The following ENOX1 variants were observed in gnomAD, a reference collection of about 807,000 sequenced individuals.
ENOX1 encodes ecto-NOX disulfide-thiol exchanger 1, also known as candidate growth-related and time keeping constitutive hydroquinone (NADH) oxidase.
A neutral mutation model predicts 82.5 loss-of-function variants in ENOX1; 42 were observed. The observed-to-expected ratio is 0.51, with a 90% CI of 0.40 to 0.66. The LOEUF (loss-of-function observed/expected upper bound fraction) is 0.66. Ranked by LOEUF, ENOX1 falls within the 30% of genes least tolerant of loss-of-function variation. ENOX1 has a pLI of 0.00. For synonymous variants in ENOX1, 271 were observed against 282.2 expected (o/e 0.96, Z 0.40); for missense variants, 608 against 811.6 (o/e 0.75, Z 3.05).
chr13:43,542,831 G>A (rs1443140012), intron 2 of ENOX1, among the ~76,000 whole-genome samples: 1 of 152,186 alleles, frequency 6.6e-6, no homozygotes, highest in Non-Finnish European at 1.5e-5. Context: ...TCCAGAGGCT[G>A]GGAAGTCCAA....
At chr13:43,229,540 ATTAGAT>A (rs1364235302) in intron 15 of ENOX1, among the ~76,000 whole-genome samples, 1 of 152,126 alleles carries the variant, frequency 6.6e-6, no homozygotes, top group African/African-American at 2.4e-5. Context: ...AAGAGTTTGG[ATTAGAT>A]TTAAATTCTA....
intron 2 of ENOX1, among the ~76,000 whole-genome samples, chr13:43,531,454 G>T (rs1215620029): frequency 6.7e-6 from 1 of 150,360 alleles, no homozygotes; most frequent in Non-Finnish European, 1.5e-5. Context: ...GGAGAAATAG[G>T]AACACTTTTA....
At chr13:43,558,660 G>A (rs1265255533) in intron 2 of ENOX1, among the ~76,000 whole-genome samples, 2 of 152,140 alleles carry the variant, frequency 1.3e-5, no homozygotes, top group African/African-American at 2.4e-5. Context: ...CAGACTGGAC[G>A]ATTCATTTGT....
At chr13:43,397,774 C>CT (rs1246010938) in intron 5 of ENOX1, among the ~76,000 whole-genome samples, 1 of 152,144 alleles carries the variant, frequency 6.6e-6, no homozygotes, top group Non-Finnish European at 1.5e-5. Context: ...CCCAAAACAT[C>CT]TTTTTCAAGA....
chr13:43,378,930 C>A (rs1208866083), intron 5 of ENOX1, among the ~76,000 whole-genome samples: 1 of 151,964 alleles, frequency 6.6e-6, no homozygotes, highest in Non-Finnish European at 1.5e-5. Flanking sequence ...GATGGGGGCA[C>A]AATATAATCA....
intron 2 of ENOX1, among the ~76,000 whole-genome samples, chr13:43,616,082 TTA>T (rs199606548): frequency 3.4e-5 from 1 of 29,784 alleles, no homozygotes; most frequent in African/African-American, 9.0e-5. Flanking sequence ...AAGTTTGACA[TTA>T]TATATATATA....
At chr13:43,405,699 TA>T (rs1167172996) in intron 5 of ENOX1, among the ~76,000 whole-genome samples, 2 of 152,236 alleles carry the variant, frequency 1.3e-5, no homozygotes, top group East Asian at 3.9e-4. Context: ...CCCTTCAGGT[TA>T]CTCCATCTGT....
At chr13:43,659,221 G>A (rs1006244247) in intron 2 of ENOX1, among the ~76,000 whole-genome samples, 4 of 152,012 alleles carry the variant, frequency 2.6e-5, no homozygotes, top group Non-Finnish European at 5.9e-5. Context: ...GGGCACTGTG[G>A]CTCACACCTA....
chr13:43,553,831 T>G (rs977437579), intron 2 of ENOX1, among the ~76,000 whole-genome samples: 38 of 152,348 alleles, frequency 2.5e-4, no homozygotes, highest in African/African-American at 9.1e-4. Flanking sequence ...TACTGCAGCC[T>G]CTGCCTCCCA....
intron 2 of ENOX1, among the ~76,000 whole-genome samples, chr13:43,656,124 G>A (rs1185399966): frequency 1.3e-5 from 2 of 152,132 alleles, no homozygotes; most frequent in Non-Finnish European, 2.9e-5. Context: ...TTATGCATGT[G>A]TATCAGAATA....
At chr13:43,331,535 C>G (rs1205699284) in intron 9 of ENOX1, among the ~76,000 whole-genome samples, 1 of 152,174 alleles carries the variant, frequency 6.6e-6, no homozygotes, top group Non-Finnish European at 1.5e-5. Context: ...CCCAAATCCT[C>G]TATGAATAGC....
intron 3 of ENOX1, among the ~76,000 whole-genome samples, chr13:43,415,239 T>TTG (rs1184330580): frequency 7.0e-6 from 1 of 143,182 alleles, no homozygotes; most frequent in Non-Finnish European, 1.5e-5. Flanking sequence ...AATGTTTTTT[T>TTG]TTTTTTTTTT....
Position 43,508,025 on chromosome 13 carries a change from A to C in ENOX1, c.-218-23873T>G, listed in dbSNP as rs1253994243. 2.6e-5 allele frequency among the ~76,000 whole-genome samples: 4 copies of C among 152,180 alleles called. No homozygotes were observed. The East Asian group carries it at 7.7e-4, about 29-fold the overall frequency. ...ATATCAACCTTAATAATTTAAAATT[A>C]AAAGCACATATGAGAGAAACTGGAA... On this transcript the variant is annotated intron_variant, in intron 2 of 16. Transcript: ENST00000690772.
intron 2 of ENOX1, among the ~76,000 whole-genome samples, chr13:43,497,235 C>A (rs1399664634): frequency 2.6e-5 from 4 of 151,928 alleles, no homozygotes; most frequent in Non-Finnish European, 4.4e-5. Flanking sequence ...TTTTATTATT[C>A]TTTTCCAATC....
chr13:43,339,986 T>C (rs905474403), intron 9 of ENOX1, among the ~76,000 whole-genome samples: 1 of 152,228 alleles, frequency 6.6e-6, no homozygotes, highest in Non-Finnish European at 1.5e-5. Context: ...CCCAAAGTCC[T>C]GACATCAAAC....
chr13:43,645,810 C>A (rs2083872354), intron 2 of ENOX1, among the ~76,000 whole-genome samples: 1 of 152,148 alleles, frequency 6.6e-6, no homozygotes, highest in South Asian at 2.1e-4. Context: ...CTTTTATGGT[C>A]ATTATTTTAG....
At chr13:43,740,454 TCACA>T (rs1421322298) in intron 1 of ENOX1, among the ~76,000 whole-genome samples, 10 of 152,026 alleles carry the variant, frequency 6.6e-5, no homozygotes. Flanking sequence ...ACAATCATGA[TCACA>T]GACAACTTTA....
At chr13:43,522,082 G>A (rs893953638) in intron 2 of ENOX1, among the ~76,000 whole-genome samples, 2 of 152,080 alleles carry the variant, frequency 1.3e-5, no homozygotes, top group Non-Finnish European at 1.5e-5. Context: ...TCAGAGGCTG[G>A]TGCTCATTGG....
chr13:43,345,443 C>T (rs1466920683), intron 8 of ENOX1, among the ~76,000 whole-genome samples: 1 of 152,054 alleles, frequency 6.6e-6, no homozygotes, highest in Non-Finnish European at 1.5e-5. Context: ...CCATCTGAAC[C>T]CAGTTTGAGA....
Sources: gnomAD v4.1 joint callset for allele counts (sites outside exome capture counted in the v4.1 genomes callset) on GRCh38, gnomAD v4.1.1 for gene constraint, MANE v1.5 for transcripts, NCBI Gene and HGNC (gene_info 2026-07-23, HGNC 2026-07-21) for gene names.